CSE1L: variants seen among roughly 807,000 people sequenced by gnomAD.
CSE1L encodes exportin-2.
Under a neutral mutation model 120.4 loss-of-function variants are expected in CSE1L, and 24 were observed. The ratio of observed to expected loss-of-function variants is 0.20; its 90% CI spans 0.14 to 0.28. The LOEUF (loss-of-function observed/expected upper bound fraction) is 0.28, where lower values mean the gene tolerates loss of function less well. CSE1L is among the 10% of genes least tolerant of loss of function. CSE1L has a pLI of 1.00. For missense variants in CSE1L, 830 were observed against 1,145.2 expected (o/e 0.72, Z 3.97); for synonymous variants, 402 against 398.3 (o/e 1.01, Z -0.11).
chr20:49,074,987 T>G, intron 11 of CSE1L, 137 bp downstream of exon 11: 1 of 633,356 alleles, frequency 1.6e-6, no homozygotes, highest in East Asian at 2.8e-5. Context: ...CTGTTGTCTT[T>G]CTTCAACTTG....
At position 49,084,058 on chromosome 20, in the gene CSE1L, T is replaced by A. The variant is rs763424284; in HGVS notation, c.1515T>A (p.Pro505=). 44 of 1,613,774 alleles carry A rather than the reference T, an allele frequency of 2.7e-5. 1 individual carries two copies. In the Admixed American group the frequency reaches 4.8e-4, roughly 18 times the overall value. ...VPKEHLLVSI[P]LLINHLQAES... is the part of the protein sequence containing the mutation. The stretch of plus-strand genomic sequence containing the variant: ...AAGAACATCTTTTAGTCTCGATTCC[T>A]CTCTTGATTAATCATCTTCAAGCTG... The change falls in exon 15 of 25, where the codon CCT becomes CCA. Residue 505 remains proline, a synonymous_variant. Coordinates refer to ENST00000262982, the MANE Select transcript of CSE1L (RefSeq NM_001316.4).
At chr20:49,047,389 T>A (rs570010794) in intron 1 of CSE1L, among the ~76,000 whole-genome samples, 1 of 152,128 alleles carries the variant, frequency 6.6e-6, no homozygotes, top group East Asian at 1.9e-4. Context: ...TGGCTTTCTG[T>A]TTCTTCCATA....
At chr20:49,078,161 C>A (rs1457561453) in intron 13 of CSE1L, among the ~76,000 whole-genome samples, 1 of 152,138 alleles carries the variant, frequency 6.6e-6, no homozygotes, top group Non-Finnish European at 1.5e-5. Context: ...CATCATTTAG[C>A]TTCAAGAATT....
At chr20:49,069,451 C>T (rs939121999) in intron 7 of CSE1L, among the ~76,000 whole-genome samples, 10 of 152,138 alleles carry the variant, frequency 6.6e-5, no homozygotes, top group Non-Finnish European at 1.3e-4. Context: ...TGCTATACTG[C>T]GATGCAAGGA....
intron 1 of CSE1L, among the ~76,000 whole-genome samples, chr20:49,047,075 T>TG (rs971234210): frequency 6.6e-6 from 1 of 152,192 alleles, no homozygotes; most frequent in African/African-American, 2.4e-5. Flanking sequence ...TAACGCGGGT[T>TG]GGGGGAGGGT....
At chr20:49,075,599 T>G in intron 12 of CSE1L, 79 bp downstream of exon 12, 1 of 1,097,358 alleles carries the variant, frequency 9.1e-7, no homozygotes, top group Non-Finnish European at 1.4e-6. Context: ...ATAACGTCTC[T>G]GATAATAGAG....
chr20:49,085,479 T>C, intron 16 of CSE1L, 93 bp downstream of exon 16: 1 of 755,638 alleles, frequency 1.3e-6, no homozygotes. Context: ...ATACAGTCTA[T>C]GAACCAGATA....
chr20:49,071,489 C>G (rs900957105), intron 8 of CSE1L, among the ~76,000 whole-genome samples: 11 of 152,114 alleles, frequency 7.2e-5, no homozygotes, highest in Non-Finnish European at 1.3e-4. Flanking sequence ...GGTTTTTGTT[C>G]TTACTCTGAT....
intron 1 of CSE1L, among the ~76,000 whole-genome samples, chr20:49,051,105 CACAGTAAATG>C (rs1405593760): frequency 1.3e-5 from 2 of 152,028 alleles, no homozygotes; most frequent in African/African-American, 4.8e-5. Context: ...AAGAGAGAAG[CACAGTAAATG>C]ACAAAAGAAA....
At chr20:49,063,468 A>G in intron 3 of CSE1L, 124 bp downstream of exon 3, 1 of 491,512 alleles carries the variant, frequency 2.0e-6, no homozygotes, top group African/African-American at 2.0e-5. Flanking sequence ...AGGCGGAAGG[A>G]TCACTTGAGT....
At chr20:49,059,696 G>A (rs925361712) in intron 2 of CSE1L, among the ~76,000 whole-genome samples, 1 of 151,976 alleles carries the variant, frequency 6.6e-6, no homozygotes, top group East Asian at 1.9e-4. Flanking sequence ...TGGCTAATAT[G>A]GTGAAACCCC....
In CSE1L at chr20:49,075,342, C is replaced by T; in HGVS notation, c.1157C>T (p.Ala386Val). Residue 386 changes from alanine (A) to valine (V), a missense_variant, in exon 12 of 25, where the codon GCT becomes GTT. Ala to Val is a moderately conservative substitution (Grantham distance 64). Coordinates refer to ENST00000262982, the MANE Select transcript of CSE1L (RefSeq NM_001316.4). ...GSDIDTRRRA[A>V]CDLVRGLCKF... ...GATATTGATACTAGACGCAGGGCTGCTTGTGATCTGGTACGAGGATTATGC... is the reference window on the plus strand; with the variant it reads ...GATATTGATACTAGACGCAGGGCTGTTTGTGATCTGGTACGAGGATTATGC... 1 of 1,613,778 alleles carries T rather than the reference C, an allele frequency of 6.2e-7. No homozygotes were observed. Among genetic ancestry groups the T allele is most frequent in the Non-Finnish European group, 8.5e-7 (1 of 1,179,910 alleles).
intron 10 of CSE1L, 138 bp from the exon 11 acceptor site, chr20:49,074,647 G>C: frequency 1.8e-6 from 1 of 569,580 alleles, no homozygotes; most frequent in Non-Finnish European, 3.1e-6. Flanking sequence ...ATGATTAAGA[G>C]TATATGAAGT....
At chr20:49,095,243 C>T in intron 24 of CSE1L, 1 of 440,136 alleles carries the variant, frequency 2.3e-6, no homozygotes, top group South Asian at 2.6e-5. Context: ...TGCATTTTGT[C>T]AGCACTTTAT....
intron 3 of CSE1L, among the ~76,000 whole-genome samples, chr20:49,064,492 T>A (rs1057449618): frequency 2.0e-5 from 3 of 152,288 alleles, no homozygotes; most frequent in Non-Finnish European, 4.4e-5. Context: ...GGTGGATTGC[T>A]TGAGCTCAGC....
At chr20:49,063,086 C>T in intron 2 of CSE1L, 116 bp from the exon 3 acceptor site, 1 of 461,700 alleles carries the variant, frequency 2.2e-6, no homozygotes, top group Non-Finnish European at 3.3e-6. Context: ...CCCTGTAGAC[C>T]CACAAATAAC....
chr20:49,082,203 A>G (rs2145740942), intron 14 of CSE1L, among the ~76,000 whole-genome samples: 1 of 151,650 alleles, frequency 6.6e-6, no homozygotes, highest in Middle Eastern at 3.4e-3. Flanking sequence ...AGTATGCTGT[A>G]GGTTTTAATT....
intron 3 of CSE1L, 74 bp downstream of exon 3, chr20:49,063,418 A>G: frequency 2.0e-6 from 2 of 1,022,630 alleles, no homozygotes; most frequent in Non-Finnish European, 2.7e-6. Flanking sequence ...TTCTTCAAAG[A>G]TAAGGCACGT....
At chr20:49,073,604 G>C (rs1348828146) in intron 10 of CSE1L, among the ~76,000 whole-genome samples, 1 of 152,000 alleles carries the variant, frequency 6.6e-6, no homozygotes, top group Non-Finnish European at 1.5e-5. Context: ...TCCCACCCTG[G>C]CCTCCTGAGT....
Sources: gnomAD v4.1 joint callset for allele counts (sites outside exome capture counted in the v4.1 genomes callset) on GRCh38, gnomAD v4.1.1 for gene constraint, MANE v1.5 for transcripts, NCBI Gene and HGNC (gene_info 2026-07-23, HGNC 2026-07-21) for gene names.